KAT6A: variants seen among roughly 807,000 people sequenced by gnomAD.
The protein encoded by KAT6A is lysine acetyltransferase 6A, also known as histone acetyltransferase KAT6A.
KAT6A carries 9 observed loss-of-function variants against 198.4 expected under a neutral mutation model. That is an observed-to-expected ratio of 0.05 (90% CI 0.03 to 0.08). KAT6A has a LOEUF of 0.08. KAT6A is among the 10% of genes least tolerant of loss of function. KAT6A has a pLI of 1.00. For missense variants in KAT6A, 2,077 were observed against 2,509.9 expected, an observed-to-expected ratio of 0.83 and a Z score of 3.69; for synonymous variants, 890 against 883.0, an observed-to-expected ratio of 1.01 and a Z score of -0.14.
chr8:42,009,917 A>AC (rs1192812417), intron 2 of KAT6A, among the ~76,000 whole-genome samples: 51 of 149,390 alleles, frequency 3.4e-4, no homozygotes, highest in Middle Eastern at 3.4e-3. Flanking sequence ...AAAAAAAACA[A>AC]AAAAAAACAA....
chr8:41,991,285 T>C (rs1824934008), intron 2 of KAT6A, among the ~76,000 whole-genome samples: 1 of 152,200 alleles, frequency 6.6e-6, no homozygotes, highest in African/African-American at 2.4e-5. Flanking sequence ...TGTGCTGTAT[T>C]CATACAGTAG....
rs1392940420 is a variant in KAT6A at position 41,933,069 on chromosome 8, G to A, written c.5151C>T (p.Ile1717=). 6.3e-7 allele frequency: 1 copy of A among 1,593,140 alleles called. No homozygotes were observed. The highest frequency in any genetic ancestry group is 8.6e-7 in the Non-Finnish European group (1 of 1,168,690). ...MNNSFTPAPM[I]MEIPESGSTG... ...TGCTTCCAGATTCTGGTATCTCCAT[G>A]ATCATAGGAGCTGGGGTGAAACTGT... The change falls in exon 17 of 17, where the codon ATC becomes ATT. Residue 1717 remains isoleucine, a synonymous_variant. Transcript: ENST00000265713. This position sits in a 1 kb window ranked among gnomAD's most constrained non-coding sequence, Gnocchi z 6.2.
At chr8:42,036,845 T>G (rs535876573) in intron 2 of KAT6A, among the ~76,000 whole-genome samples, 11 of 152,320 alleles carry the variant, frequency 7.2e-5, no homozygotes, top group African/African-American at 2.2e-4. Flanking sequence ...AGAGTAGTTA[T>G]AGCCAGGGAG....
At chr8:42,038,014 T>G (rs549951305) in intron 2 of KAT6A, among the ~76,000 whole-genome samples, 4 of 152,218 alleles carry the variant, frequency 2.6e-5, no homozygotes, top group Non-Finnish European at 5.9e-5. Context: ...AGTGCTAGAC[T>G]ATACACTTTT....
intron 2 of KAT6A, among the ~76,000 whole-genome samples, chr8:42,011,063 C>T (rs150334138): frequency 1.3e-5 from 2 of 152,286 alleles, no homozygotes; most frequent in Admixed American, 6.5e-5. Context: ...AATTCCATCC[C>T]TATCATTCCT....
rs1407909289 is a variant in KAT6A, at chr8:41,973,884, T to TAGAAGCTGGCTTCC, written c.1482+806_1482+819dup. On this transcript the variant is annotated intron_variant, in intron 8 of 16. Transcript: ENST00000265713. ...CTCCTCTGACCTCCCCAGGCAGAAG[T>TAGAAGCTGGCTTCC]AGAAGCTGGCTTCCCTATTCTCCCA... 3.3e-5 allele frequency among the ~76,000 whole-genome samples: 5 copies of TAGAAGCTGGCTTCC among 152,262 alleles called. No homozygotes were observed. The East Asian group carries it at 9.6e-4, about 29-fold the overall frequency.
intron 8 of KAT6A, chr8:41,958,220 C>A (rs1185458773): frequency 6.6e-6 from 1 of 152,176 alleles, no homozygotes; most frequent in African/African-American, 2.4e-5. Flanking sequence ...ACAGAGAGAG[C>A]ATGAATTTAA....
intron 7 of KAT6A, among the ~76,000 whole-genome samples, chr8:41,975,938 A>G (rs570106231): frequency 3.2e-4 from 48 of 152,334 alleles, no homozygotes; most frequent in African/African-American, 1.1e-3. Flanking sequence ...ATCTAAACGG[A>G]TTGCATATTT....
chr8:42,003,308 T>C (rs2150903888), intron 2 of KAT6A, among the ~76,000 whole-genome samples: 1 of 152,222 alleles, frequency 6.6e-6, no homozygotes, highest in East Asian at 1.9e-4. Flanking sequence ...CAAGACATCT[T>C]TTTGAGAGAT....
At chr8:41,938,913 ACT>A (rs1821972142) in intron 15 of KAT6A, among the ~76,000 whole-genome samples, 1 of 143,924 alleles carries the variant, frequency 6.9e-6, no homozygotes, top group Admixed American at 7.6e-5. Flanking sequence ...ATGCCGCTGC[ACT>A]CCAGCCTAGG....
intron 2 of KAT6A, among the ~76,000 whole-genome samples, chr8:42,015,412 T>C (rs1160439845): frequency 6.6e-6 from 1 of 152,212 alleles, no homozygotes; most frequent in Non-Finnish European, 1.5e-5. Context: ...ACAAAGTCTT[T>C]CTTGCCTTAA....
Position 41,942,929 on chromosome 8 carries a change from A to G in KAT6A, c.2300T>C (p.Val767Ala). 2 of 1,614,184 alleles carry G rather than the reference A, an allele frequency of 1.2e-6. No homozygotes were observed. The highest frequency in any genetic ancestry group is 1.7e-6 in the Non-Finnish European group (2 of 1,180,034). The change falls in exon 14 of 17, where the codon GTA becomes GCA. Residue 767 changes from valine to alanine, a missense_variant. Physicochemically the swap from Val to Ala is moderately conservative, Grantham distance 64 (BLOSUM62 0). This residue lies in a region of KAT6A where 127 missense variants were observed against 209.6 expected (regional missense o/e 0.61). Coordinates refer to ENST00000265713, the MANE Select transcript of KAT6A (RefSeq NM_006766.5). ...GCGCAAACATTCTGGATCTACATCT[A>G]CAGGTCGCAAATTCAGCTGAAGCTT... ...MAKLQLNLRP[V>A]DVDPECLRWT...
intron 9 of KAT6A, among the ~76,000 whole-genome samples, chr8:41,950,173 T>G (rs1159171412): frequency 6.6e-6 from 1 of 152,218 alleles, no homozygotes; most frequent in Non-Finnish European, 1.5e-5. Flanking sequence ...AAGCAGTGTG[T>G]TGTTGGCTAC....
chr8:41,952,215 T>C (rs945348399), intron 9 of KAT6A, among the ~76,000 whole-genome samples: 2 of 152,182 alleles, frequency 1.3e-5, no homozygotes, highest in African/African-American at 4.8e-5. Flanking sequence ...ATGACGAGAA[T>C]AATCAAACTG....
At position 41,991,201 on chromosome 8, in the gene KAT6A, G is replaced by C. The variant is rs1008956193; in HGVS notation, c.601-3638C>G. ...TAAAACATACACCAAAATGTTCAGA[G>C]CAGCATTATTCATAATAATACATTT... On this transcript the variant is annotated intron_variant, in intron 2 of 16. Transcript: ENST00000265713. 9.9e-5 allele frequency among the ~76,000 whole-genome samples: 15 copies of C among 152,130 alleles called. No homozygotes were observed. The East Asian group carries it at 2.7e-3, about 27-fold the overall frequency.
chr8:42,025,480 C>G (rs1412731233), intron 2 of KAT6A, among the ~76,000 whole-genome samples: 1 of 152,110 alleles, frequency 6.6e-6, no homozygotes, highest in African/African-American at 2.4e-5. Flanking sequence ...TCCCAAAGTG[C>G]TGGGATTACA....
chr8:41,950,737 G>C (rs566715755), intron 9 of KAT6A, among the ~76,000 whole-genome samples: 2 of 152,140 alleles, frequency 1.3e-5, no homozygotes, highest in Non-Finnish European at 2.9e-5. Flanking sequence ...AACTTTAAGG[G>C]CATCCAATCC....
chr8:41,997,898 A>C (rs1345909634), intron 2 of KAT6A, among the ~76,000 whole-genome samples: 2 of 152,198 alleles, frequency 1.3e-5, no homozygotes, highest in African/African-American at 2.4e-5. Flanking sequence ...GCACTCTACT[A>C]TACAAATACC....
chr8:42,031,026 C>CA (rs35186257), intron 2 of KAT6A, among the ~76,000 whole-genome samples: 11,826 of 37,796 alleles, frequency 0.31, 2,126 homozygotes, highest in African/African-American at 0.56. Context: ...CTGCCAAATG[C>CA]AAAAAAAAAA....
Sources: gnomAD v4.1 joint callset for allele counts (sites outside exome capture counted in the v4.1 genomes callset) on GRCh38, gnomAD v4.1.1 for gene constraint, gnomAD v4.1.1 regional missense constraint, Gnocchi (gnomAD v3.1) non-coding constraint, MANE v1.5 for transcripts, NCBI Gene and HGNC (gene_info 2026-07-23, HGNC 2026-07-21) for gene names.